UTP6: variants seen among roughly 807,000 people sequenced by gnomAD.
The protein encoded by UTP6 is U3 small nucleolar RNA-associated protein 6 homolog.
Under a neutral mutation model 96.5 loss-of-function variants are expected in UTP6, and 60 were observed. The ratio of observed to expected loss-of-function variants is 0.62; its 90% CI spans 0.51 to 0.77. UTP6 has a LOEUF of 0.77. UTP6 is among the 30% of genes least tolerant of loss of function. The pLI is 0.00. For synonymous variants in UTP6, 215 were observed against 240.1 expected (o/e 0.90, Z 0.96); for missense variants, 637 against 706.5 (o/e 0.90, Z 1.12).
chr17:31,877,948 CAGAGTG>C (rs1910592865), intron 13 of UTP6, among the ~76,000 whole-genome samples: 1 of 132,656 alleles, frequency 7.5e-6, no homozygotes, highest in Admixed American at 8.7e-5. Context: ...GCCTGGGCAA[CAGAGTG>C]AAACTCCGTC....
At chr17:31,894,616 A>C in intron 4 of UTP6, 29 bp downstream of exon 4, 1 of 1,496,412 alleles carries the variant, frequency 6.7e-7, no homozygotes, top group Non-Finnish European at 9.2e-7. Flanking sequence ...TTCACATCTC[A>C]TAAAGTTAAG....
At chr17:31,881,311 G>A (rs1291738309) in intron 10 of UTP6, among the ~76,000 whole-genome samples, 1 of 144,246 alleles carries the variant, frequency 6.9e-6, no homozygotes, top group African/African-American at 2.6e-5. Flanking sequence ...TTGCCACCAA[G>A]GCTGGAGTGC....
chr17:31,901,549 G>C lies in UTP6; in HGVS notation c.79C>G (p.His27Asp), dbSNP rs771116748. The C allele has an allele frequency of 1.9e-6, 3 of 1,613,860 alleles. No homozygotes were observed. In the African/African-American group the frequency reaches 4.0e-5, roughly 22 times the overall value. Residue 27 changes from histidine to aspartate, a missense_variant, in exon 1 of 19, where the codon CAT becomes GAT. His to Asp is a moderately conservative substitution (Grantham distance 81). Transcript: ENST00000261708. ...ACCCTCTCTCACTTAATCTCCGCATGACTGAACAGTCCAATGCGCTCCAGC... is the reference window on the plus strand; with the variant it reads ...ACCCTCTCTCACTTAATCTCCGCATCACTGAACAGTCCAATGCGCTCCAGC... ...EQLERIGLFS[H>D]AEIKAIIKKA...
At chr17:31,880,869 A>G in intron 10 of UTP6, 115 bp from the exon 11 acceptor site, 3 of 1,408,974 alleles carry the variant, frequency 2.1e-6, no homozygotes, top group Non-Finnish European at 2.9e-6. Context: ...TAACAACTGC[A>G]GTACCATAAA....
At position 31,897,808 on chromosome 17, in the gene UTP6, G is replaced by A. The variant is rs148543484; in HGVS notation, c.177+1838C>T. ...TTGGTTCTTTCTGAATCCTGATTCC[G>A]TCATCCAACATATTAGCTATTCTCC... On this transcript the variant is annotated intron_variant, in intron 2 of 18. Transcript: ENST00000261708. Among the ~76,000 whole-genome samples, 637 of 152,070 alleles carry A rather than the reference G, an allele frequency of 4.2e-3. 1 individual carries two copies. Among genetic ancestry groups the A allele is most frequent in the African/African-American group, 0.015 (608 of 41,480 alleles).
chr17:31,871,973 C>T (rs544792177), intron 16 of UTP6, among the ~76,000 whole-genome samples: 4 of 152,044 alleles, frequency 2.6e-5, no homozygotes, highest in Admixed American at 1.3e-4. Flanking sequence ...GCGGGCAGGT[C>T]ACCAGAGGTC....
In UTP6 at chr17:31,863,322, C is replaced by A; in HGVS notation, c.*37G>T. The A allele has an allele frequency of 6.2e-7, 1 of 1,607,398 alleles. No homozygotes were observed. The highest frequency in any genetic ancestry group is 8.5e-7 in the Non-Finnish European group (1 of 1,176,926). On this transcript the variant is annotated 3_prime_UTR_variant, in exon 19 of 19. Coordinates refer to ENST00000261708, the MANE Select transcript of UTP6 (RefSeq NM_018428.3). ...CAAATTTGCCCACGGGGCTTGCTTGCAATACTATTTCACAAAGCTGACTGT... is the reference window on the plus strand; with the variant it reads ...CAAATTTGCCCACGGGGCTTGCTTGAAATACTATTTCACAAAGCTGACTGT...
chr17:31,865,532 T>C (rs2142286223), intron 17 of UTP6, 94 bp from the exon 18 acceptor site: 1 of 1,247,462 alleles, frequency 8.0e-7, no homozygotes, highest in South Asian at 1.3e-5. Flanking sequence ...GTCTGTCAGG[T>C]ATTTGAAGGG....
intron 13 of UTP6, 133 bp from the exon 14 acceptor site, chr17:31,875,546 C>A (rs1910448399): frequency 9.2e-7 from 1 of 1,084,548 alleles, no homozygotes; most frequent in Admixed American, 2.9e-5. Context: ...AAAAAGAGGC[C>A]AGGTGTGGTG....
intron 17 of UTP6, among the ~76,000 whole-genome samples, chr17:31,867,665 A>G (rs1230634420): frequency 6.6e-6 from 1 of 151,436 alleles, no homozygotes; most frequent in Non-Finnish European, 1.5e-5. Context: ...TTACATAACA[A>G]AACACTCCCG....
intron 9 of UTP6, 144 bp from the exon 10 acceptor site, chr17:31,884,649 A>T (rs1317893691): frequency 4.7e-6 from 3 of 640,898 alleles, no homozygotes; most frequent in Non-Finnish European, 8.0e-6. Flanking sequence ...AAGTCATCCC[A>T]TAGTCCCCTC....
chr17:31,894,457 G>A (rs1003301015), intron 4 of UTP6, among the ~76,000 whole-genome samples, 188 bp downstream of exon 4: 3 of 151,856 alleles, frequency 2.0e-5, no homozygotes, highest in African/African-American at 4.8e-5. Flanking sequence ...TAACTATAAG[G>A]TAATAAGATC....
At chr17:31,893,188 G>A (rs990507322) in intron 4 of UTP6, among the ~76,000 whole-genome samples, 1 of 152,060 alleles carries the variant, frequency 6.6e-6, no homozygotes, top group Non-Finnish European at 1.5e-5. Flanking sequence ...CAGGAGAATC[G>A]CTTGAAGCCG....
Position 31,889,407 on chromosome 17 carries a change from T to G in UTP6, c.425-4A>C, listed in dbSNP as rs2142316081. ...TTGGCTGCCATAATCCACAAAGCTG[T>G]AAGTGAAAAACCATCAGATTTCATT... On this transcript the variant is annotated splice_region_variant and splice_polypyrimidine_tract_variant and intron_variant, in intron 6 of 18. Coordinates refer to ENST00000261708, the MANE Select transcript of UTP6 (RefSeq NM_018428.3). 6.2e-7 allele frequency: 1 copy of G among 1,605,222 alleles called. No individual in the cohort carries two copies. The highest frequency in any genetic ancestry group is 8.5e-7 in the Non-Finnish European group (1 of 1,173,932).
chr17:31,876,884 C>T (rs1243098002), intron 13 of UTP6, among the ~76,000 whole-genome samples: 3 of 150,328 alleles, frequency 2.0e-5, no homozygotes, highest in Non-Finnish European at 4.4e-5. Flanking sequence ...TGTTGGTGCA[C>T]GCCTGTAATC....
intron 17 of UTP6, among the ~76,000 whole-genome samples, chr17:31,866,887 CAAAAAAAA>C (rs56235737): frequency 2.8e-4 from 12 of 43,572 alleles, no homozygotes; most frequent in Admixed American, 2.3e-3. Context: ...ACTCTTGTCT[CAAAAAAAA>C]AAAAAAAAAA....
At chr17:31,869,962 A>C (rs2142291385) in intron 16 of UTP6, among the ~76,000 whole-genome samples, 1 of 152,330 alleles carries the variant, frequency 6.6e-6, no homozygotes, top group Non-Finnish European at 1.5e-5. Flanking sequence ...TGCTGAGGAC[A>C]ATGACCTCCA....
At chr17:31,878,831 C>T in intron 11 of UTP6, 50 bp from the exon 12 acceptor site, 1 of 1,519,422 alleles carries the variant, frequency 6.6e-7, no homozygotes, top group South Asian at 1.1e-5. Flanking sequence ...GTTCAACATT[C>T]ATCACATCAA....
rs1214292156 is a variant in UTP6 at position 31,863,527 on chromosome 17, A to C, written c.1637-11T>G. 1 of 1,591,396 alleles carries C rather than the reference A, an allele frequency of 6.3e-7. No homozygotes were observed. Among genetic ancestry groups the C allele is most frequent in the Non-Finnish European group, 8.5e-7 (1 of 1,171,076 alleles). On this transcript the variant is annotated splice_polypyrimidine_tract_variant and intron_variant, in intron 18 of 18. Transcript: ENST00000261708. ...AATCCATCCAAAGATCTTTTAAAAA[A>C]AAAACATACAATTAGATAACTGACA... is the stretch of plus-strand genomic sequence containing the variant.
Sources: gnomAD v4.1 joint callset for allele counts (sites outside exome capture counted in the v4.1 genomes callset) on GRCh38, gnomAD v4.1.1 for gene constraint, MANE v1.5 for transcripts, NCBI Gene and HGNC (gene_info 2026-07-23, HGNC 2026-07-21) for gene names.